Variants in CELF2 observed in about 807,000 individuals in gnomAD.
CELF2 encodes the protein CUG triplet repeat RNA-binding protein 2.
CELF2 carries 8 observed loss-of-function variants against 62.6 expected under a neutral mutation model. The observed-to-expected ratio is 0.13, with a 90% CI of 0.07 to 0.23. CELF2 has a LOEUF of 0.23. Ranked by LOEUF, CELF2 falls within the 10% of genes least tolerant of loss-of-function variation. The pLI, the probability that CELF2 is intolerant of heterozygous loss-of-function variation, is 1.00. For synonymous variants in CELF2, 258 were observed against 250.0 expected, an observed-to-expected ratio of 1.03 and a Z score of -0.30; for missense variants, 333 against 671.0, an observed-to-expected ratio of 0.50 and a Z score of 5.56.
intron 1 of CELF2, among the ~76,000 whole-genome samples, chr10:11,058,461 GTTTTTTTTTTT>G (rs67113152): frequency 8.6e-6 from 1 of 116,806 alleles, no homozygotes; most frequent in South Asian, 3.0e-4. Flanking sequence ...TTTTTTGTTG[GTTTTTTTTTTT>G]TTTTTTTTTT....
chr10:10,887,163 G>A (rs2061806821), intron 1 of CELF2, among the ~76,000 whole-genome samples: 1 of 149,154 alleles, frequency 6.7e-6, no homozygotes, highest in Non-Finnish European at 1.5e-5. Flanking sequence ...AGCTCCACTT[G>A]TAGAATGTAG....
chr10:10,478,526 C>T, the CELF2 span, among the ~76,000 whole-genome samples: 2 of 152,048 alleles, frequency 1.3e-5, no homozygotes, highest in African/African-American at 4.8e-5. Flanking sequence ...CACGATAAAA[C>T]TCTCTCTAAA....
chr10:10,989,338 A>G (rs1312870443), intron 2 of CELF2, among the ~76,000 whole-genome samples: 5 of 152,182 alleles, frequency 3.3e-5, no homozygotes, highest in African/African-American at 1.2e-4. Context: ...GTTAGAAAGT[A>G]TAGCTACCAG....
At chr10:11,016,134 A>G (rs913923389), upstream of CELF2, among the ~76,000 whole-genome samples, 4 of 152,260 alleles carry the variant, frequency 2.6e-5, no homozygotes, top group Non-Finnish European at 5.9e-5. This position sits in a 1 kb window ranked among gnomAD's most constrained non-coding sequence, Gnocchi z 5.2. Flanking sequence ...AGAACTGCCA[A>G]GGTTTGTCTT....
At position 11,191,975 on chromosome 10, in the gene CELF2, T is replaced by C. The variant is rs192660508; in HGVS notation, c.272-25450T>C. ...GAATTTTCCTGACAAGTCAGTGTCA[T>C]TTTATGGGTTATTGCTGTTTTCCCA... On this transcript the variant is annotated intron_variant, in intron 2 of 12. Transcript: ENST00000633077. The surrounding 1 kb of genome is among the most constrained non-coding windows in gnomAD (Gnocchi z 4.1). 8.5e-5 allele frequency among the ~76,000 whole-genome samples: 13 copies of C among 152,284 alleles called. No individual in the cohort carries two copies. Among genetic ancestry groups the C allele is most frequent in the Middle Eastern group, 3.4e-3 (1 of 294 alleles).
chr10:11,281,717 C>G (rs986295260), intron 8 of CELF2, among the ~76,000 whole-genome samples: 1 of 152,164 alleles, frequency 6.6e-6, no homozygotes, highest in Non-Finnish European at 1.5e-5. Flanking sequence ...TTCACTCCAG[C>G]CCGGTGACGG....
chr10:10,657,579 C>T, the CELF2 span, among the ~76,000 whole-genome samples: 1 of 152,010 alleles, frequency 6.6e-6, no homozygotes, highest in Non-Finnish European at 1.5e-5. Flanking sequence ...ATTCCCACAA[C>T]ACAATGTTGA....
At chr10:11,167,010 C>T (rs372684952) in intron 2 of CELF2, among the ~76,000 whole-genome samples, 129 of 152,294 alleles carry the variant, frequency 8.5e-4, no homozygotes, top group African/African-American at 3.0e-3. Flanking sequence ...GTTTTCCAAA[C>T]GTAGTAGCAA....
At chr10:11,079,741 G>GC (rs11333486) in intron 1 of CELF2, among the ~76,000 whole-genome samples, 11,531 of 110,402 alleles carry the variant, frequency 0.1, 1,008 homozygotes, top group African/African-American at 0.3. Context: ...GACTAATACA[G>GC]CCCCCCCCCC....
chr10:11,108,950 TGTGGCACA>T (rs1328532652), intron 1 of CELF2, among the ~76,000 whole-genome samples: 4 of 152,232 alleles, frequency 2.6e-5, no homozygotes, highest in Non-Finnish European at 4.4e-5. Flanking sequence ...CACTGTTAGG[TGTGGCACA>T]CATCTTCCAG....
the CELF2 span, among the ~76,000 whole-genome samples, chr10:10,546,726 CGA>C: frequency 6.6e-6 from 1 of 151,692 alleles, no homozygotes; most frequent in African/African-American, 2.4e-5. Flanking sequence ...ATACTTGAAA[CGA>C]TTCTCCCAAA....
At chr10:11,149,072 G>GTT (rs532912699) in intron 1 of CELF2, among the ~76,000 whole-genome samples, 1 of 151,138 alleles carries the variant, frequency 6.6e-6, no homozygotes, top group South Asian at 2.1e-4. Context: ...ATTGACAGGT[G>GTT]TTTTTTTTTC....
intron 8 of CELF2, among the ~76,000 whole-genome samples, chr10:11,281,383 A>C (rs986873344): frequency 2.0e-4 from 31 of 152,148 alleles, no homozygotes; most frequent in Non-Finnish European, 8.8e-5. Context: ...GCGGCGGACG[A>C]GGGTCTGTCT....
chr10:10,530,948 G>A, the CELF2 span, among the ~76,000 whole-genome samples: 12 of 152,278 alleles, frequency 7.9e-5, no homozygotes, highest in East Asian at 9.6e-4. Flanking sequence ...GTGACTGCTC[G>A]TAGTATTTAT....
the CELF2 span, among the ~76,000 whole-genome samples, chr10:10,778,597 T>C: frequency 7.2e-4 from 110 of 152,320 alleles, no homozygotes; most frequent in African/African-American, 2.4e-3. Flanking sequence ...TGAAGAGTAA[T>C]CACCTGTTTA....
At chr10:11,199,173 C>A (rs1278208519) in intron 2 of CELF2, among the ~76,000 whole-genome samples, 1 of 152,156 alleles carries the variant, frequency 6.6e-6, no homozygotes, top group Non-Finnish European at 1.5e-5. Flanking sequence ...AGACCATGAT[C>A]TCTGGGACCA....
chr10:10,953,740 T>A (rs2048570907), intron 2 of CELF2, among the ~76,000 whole-genome samples: 1 of 151,612 alleles, frequency 6.6e-6, no homozygotes, highest in Non-Finnish European at 1.5e-5. Context: ...AAGAGAAAAA[T>A]TAGATAAATT....
Position 10,907,350 on chromosome 10 carries a change from C to G in CELF2, c.54-12614C>G, listed in dbSNP as rs2063433073. ...TGTTCCAGAAGAAACTTTAGTCAAA[C>G]TAATTATTTGAGACGTTATAAGGAT... On this transcript the variant is annotated intron_variant, in intron 1 of 13. Transcript: ENST00000636488. Among the ~76,000 whole-genome samples the G allele has an allele frequency of 3.3e-5, 5 of 152,128 alleles. No individual in the cohort carries two copies. The South Asian group carries it at 1.0e-3, about 32-fold the overall frequency.
intron 1 of CELF2, among the ~76,000 whole-genome samples, chr10:11,142,683 CAAA>C (rs1006618543): frequency 2.2e-4 from 14 of 63,734 alleles, no homozygotes; most frequent in African/African-American, 4.0e-4. Flanking sequence ...GACGCTGTCT[CAAA>C]AAAAAAAAAA....
Sources: gnomAD v4.1 joint callset for allele counts (sites outside exome capture counted in the v4.1 genomes callset) on GRCh38, gnomAD v4.1.1 for gene constraint, Gnocchi (gnomAD v3.1) non-coding constraint, MANE v1.5 for transcripts, NCBI Gene and HGNC (gene_info 2026-07-23, HGNC 2026-07-21) for gene names.